Variants in PALMD observed in about 807,000 individuals in gnomAD.
PALMD encodes the protein palmdelphin, also known as paralemmin-like protein.
In PALMD, 42 loss-of-function variants were observed where a neutral mutation model predicts 56.2. That is an observed-to-expected ratio of 0.75 (90% CI 0.58 to 0.97). The LOEUF (loss-of-function observed/expected upper bound fraction) is 0.97. PALMD is among the 50% of genes least tolerant of loss of function. PALMD has a pLI of 0.00. For synonymous variants in PALMD, 242 were observed against 222.9 expected (o/e 1.09, Z -0.76); for missense variants, 660 against 643.8 (o/e 1.03, Z -0.27).
chr1:99,673,887 A>G (rs1653145424), intron 3 of PALMD, among the ~76,000 whole-genome samples: 1 of 152,226 alleles, frequency 6.6e-6, no homozygotes, highest in South Asian at 2.1e-4. Flanking sequence ...TAGATGACGT[A>G]TAGATGAATG....
At chr1:99,668,479 G>A (rs754146374) in intron 3 of PALMD, 1 of 152,200 alleles carries the variant, frequency 6.6e-6, no homozygotes, top group African/African-American at 2.4e-5. Context: ...CTTCTTCACA[G>A]CCCCAGCCCC....
At chr1:99,655,470 C>T (rs1652701316) in intron 1 of PALMD, among the ~76,000 whole-genome samples, 1 of 152,096 alleles carries the variant, frequency 6.6e-6, no homozygotes, top group African/African-American at 2.4e-5. Context: ...TACCACATTC[C>T]TTGTCTGGAT....
At chr1:99,688,391 G>C (rs1653562511) in intron 6 of PALMD, among the ~76,000 whole-genome samples, 1 of 152,140 alleles carries the variant, frequency 6.6e-6, no homozygotes, top group Non-Finnish European at 1.5e-5. Flanking sequence ...GACTAAAGAA[G>C]AGATTGATTC....
chr1:99,686,734 G>A lies in PALMD; in HGVS notation c.310G>A (p.Glu104Lys), dbSNP rs1196141590. 4.3e-6 allele frequency: 7 copies of A among 1,609,888 alleles called. No individual in the cohort carries two copies. In the East Asian group the frequency reaches 1.6e-4, roughly 36 times the overall value. The change falls in exon 4 of 8, where the codon GAG becomes AAG. Residue 104 changes from glutamate to lysine, a missense_variant. Transcript: ENST00000263174. ...TGAACTGCAAATCTCAACGAAGGAA[G>A]AGGCCATTTTAAAGAAACTAAAGTC... Reference protein sequence around the residue: ...KAELQISTKEEAILKKLKSIE... With the variant: ...KAELQISTKEKAILKKLKSIE...
At chr1:99,670,891 AAAAAC>A (rs1653068854) in intron 3 of PALMD, among the ~76,000 whole-genome samples, 2 of 152,172 alleles carry the variant, frequency 1.3e-5, no homozygotes, top group Non-Finnish European at 2.9e-5. Context: ...AGCTGCTAAA[AAAAAC>A]AAAAACAAAA....
rs1653331149 is a variant in PALMD, at chr1:99,681,091, ATGTGTGTGTATATATGTG to A, written c.252-5575_252-5558del. The stretch of plus-strand genomic sequence containing the variant: ...GCAAATAGACTATATATATACATAT[ATGTGTGTGTATATATGTG>A]TGTGTGTGTGTGTGTGTGTGTGTGT... On this transcript the variant is annotated intron_variant, in intron 3 of 7. Coordinates refer to ENST00000263174, the MANE Select transcript of PALMD (RefSeq NM_017734.5). Among the ~76,000 whole-genome samples, 4 of 121,168 alleles carry A rather than the reference ATGTGTGTGTATATATGTG, an allele frequency of 3.3e-5. No homozygotes were observed. In the South Asian group the frequency reaches 1.0e-3, roughly 30 times the overall value. The allele number at this position is 121,168 out of a possible 152,430, so 79.5% of individuals were successfully genotyped here.
At chr1:99,683,726 A>T (rs1653423488) in intron 3 of PALMD, 1 of 152,218 alleles carries the variant, frequency 6.6e-6, no homozygotes, top group Non-Finnish European at 1.5e-5. Context: ...AAGTCATAGC[A>T]TGTTTCCTCT....
chr1:99,672,627 G>A (rs1047808651), intron 3 of PALMD, among the ~76,000 whole-genome samples: 9 of 152,082 alleles, frequency 5.9e-5, no homozygotes, highest in African/African-American at 2.2e-4. Flanking sequence ...CCCTGCAGTT[G>A]TCCATGACCT....
chr1:99,692,662 A>T (rs946065677), intron 7 of PALMD, among the ~76,000 whole-genome samples: 6 of 152,206 alleles, frequency 3.9e-5, no homozygotes, highest in African/African-American at 1.4e-4. Flanking sequence ...TGACTGTAAG[A>T]AAAAGCAATT....
chr1:99,661,956 C>G (rs1390249187), intron 1 of PALMD, among the ~76,000 whole-genome samples: 1 of 152,204 alleles, frequency 6.6e-6, no homozygotes, highest in Non-Finnish European at 1.5e-5. Context: ...CAGGATCAGT[C>G]TCTCTTCTCA....
chr1:99,667,681 A>C lies in PALMD; in HGVS notation c.166A>C (p.Ser56Arg), dbSNP rs201717174. Residue 56 changes from serine to arginine, a missense_variant, in exon 3 of 8, where the codon AGC (serine) becomes CGC (arginine). Transcript: ENST00000263174. ...LREKWLLDGI[S>R]SGKEQEEMKK... ...GGAGAAATGGCTTCTAGATGGAATC[A>C]GCAGCGGAAAAGAACAGGAAGAGAT... 140 of 1,613,224 alleles carry C rather than the reference A, an allele frequency of 8.7e-5. 1 individual carries two copies. In the Middle Eastern group the frequency reaches 1.5e-3, roughly 17 times the overall value.
rs538334689 is a variant in PALMD at position 99,688,498 on chromosome 1, C to T, written c.515-277C>T. Among the ~76,000 whole-genome samples, 584 of 152,160 alleles carry T rather than the reference C, an allele frequency of 3.8e-3. 16 individuals are homozygous for T. Among genetic ancestry groups the T allele is most frequent in the Admixed American group, 0.036 (554 of 15,256 alleles). ...TTCGGTTCCCCATTGAAATTCTTTC[C>T]TATTTGGAACCATCAGCTTATCTTC... On this transcript the variant is annotated intron_variant, in intron 6 of 7. Coordinates refer to ENST00000263174, the MANE Select transcript of PALMD (RefSeq NM_017734.5).
At chr1:99,684,009 T>C (rs1251581099) in intron 3 of PALMD, 1 of 152,242 alleles carries the variant, frequency 6.6e-6, no homozygotes, top group Non-Finnish European at 1.5e-5. Context: ...CTCCTCAGGC[T>C]TTCTCTATAT....
intron 3 of PALMD, chr1:99,684,575 T>G (rs1183859354): frequency 6.6e-6 from 1 of 152,202 alleles, no homozygotes; most frequent in African/African-American, 2.4e-5. Flanking sequence ...CAGGCTGGAG[T>G]GCAATGGTAT....
chr1:99,672,092 G>A (rs1263016793), intron 3 of PALMD, among the ~76,000 whole-genome samples: 6 of 152,074 alleles, frequency 3.9e-5, no homozygotes, highest in Non-Finnish European at 8.8e-5. Flanking sequence ...AAGACATTCA[G>A]AGGGTACCCT....
chr1:99,677,421 A>T (rs1557672200), intron 3 of PALMD, among the ~76,000 whole-genome samples: 1 of 152,042 alleles, frequency 6.6e-6, no homozygotes, highest in East Asian at 1.9e-4. Context: ...TAACTGGTAG[A>T]CATTCAAGCA....
At chr1:99,693,403 T>C (rs1341244396) in intron 7 of PALMD, among the ~76,000 whole-genome samples, 1 of 152,228 alleles carries the variant, frequency 6.6e-6, no homozygotes, top group Non-Finnish European at 1.5e-5. Context: ...AAATGCTTTC[T>C]ACATTCAATA....
chr1:99,690,252 C>T (rs960705872), intron 7 of PALMD, among the ~76,000 whole-genome samples: 2 of 152,090 alleles, frequency 1.3e-5, no homozygotes, highest in Non-Finnish European at 1.5e-5. Context: ...GTGATTTAAA[C>T]TTCTTATATA....
In PALMD at chr1:99,667,777, C is replaced by T; in HGVS notation, c.251+11C>T. On this transcript the variant is annotated intron_variant, in intron 3 of 7. Transcript: ENST00000263174. ...ACAAAGTATCCTCAGGTATGGCCCTCACTGAGATACTCCACAACTACCTTT... is the reference window on the plus strand; with the variant it reads ...ACAAAGTATCCTCAGGTATGGCCCTTACTGAGATACTCCACAACTACCTTT... The T allele has an allele frequency of 2.5e-6, 4 of 1,610,920 alleles. No individual in the cohort carries two copies. The highest frequency in any genetic ancestry group is 3.4e-6 in the Non-Finnish European group (4 of 1,177,460).
Sources: gnomAD v4.1 joint callset for allele counts (sites outside exome capture counted in the v4.1 genomes callset) on GRCh38, gnomAD v4.1.1 for gene constraint, MANE v1.5 for transcripts, NCBI Gene and HGNC (gene_info 2026-07-23, HGNC 2026-07-21) for gene names.